Variants in SGCZ observed in about 807,000 individuals in gnomAD.
SGCZ encodes the protein sarcoglycan zeta, also known as zeta-sarcoglycan.
Under a neutral mutation model 41.3 loss-of-function variants are expected in SGCZ, and 40 were observed. That is an observed-to-expected ratio of 0.97 (90% CI 0.75 to 1.26). SGCZ has a LOEUF of 1.26. Among genes scored for constraint, SGCZ ranks in the 50% most tolerant of loss-of-function variants. SGCZ has a pLI of 0.00. For missense variants in SGCZ, 552 were observed against 369.8 expected, an observed-to-expected ratio of 1.49 and a Z score of -4.04; for synonymous variants, 206 against 137.5, an observed-to-expected ratio of 1.50 and a Z score of -3.49.
chr8:15,058,020 G>A (rs1434788970), intron 1 of SGCZ, among the ~76,000 whole-genome samples: 1 of 152,092 alleles, frequency 6.6e-6, no homozygotes, highest in African/African-American at 2.4e-5. Context: ...CAGATTCAAG[G>A]AGTCATTAAA....
At chr8:14,670,597 T>C (rs1437850910) in intron 1 of SGCZ, among the ~76,000 whole-genome samples, 2 of 152,182 alleles carry the variant, frequency 1.3e-5, no homozygotes, top group African/African-American at 4.8e-5. Context: ...CAAAATGTTC[T>C]TACACCTGAG....
chr8:14,792,177 G>T (rs1167197269), intron 1 of SGCZ, among the ~76,000 whole-genome samples: 1 of 152,120 alleles, frequency 6.6e-6, no homozygotes, highest in East Asian at 1.9e-4. Context: ...ATAGTTTAGT[G>T]CTACATTACC....
chr8:15,017,831 T>C (rs1281240969), intron 1 of SGCZ, among the ~76,000 whole-genome samples: 2 of 152,142 alleles, frequency 1.3e-5, no homozygotes, highest in Non-Finnish European at 2.9e-5. Flanking sequence ...GTTTATTTAG[T>C]TGGGCTCCAC....
intron 1 of SGCZ, among the ~76,000 whole-genome samples, chr8:15,034,508 G>A (rs887538481): frequency 3.3e-5 from 5 of 151,916 alleles, no homozygotes; most frequent in African/African-American, 1.2e-4. Flanking sequence ...GGAGTTTAAG[G>A]AGAAGAGAGA....
At chr8:14,819,186 G>A (rs1183962489) in intron 1 of SGCZ, among the ~76,000 whole-genome samples, 1 of 151,968 alleles carries the variant, frequency 6.6e-6, no homozygotes, top group Non-Finnish European at 1.5e-5. Context: ...AGAGAATAGT[G>A]TCAAGTCACA....
At chr8:14,631,008 C>T (rs1332040976) in intron 1 of SGCZ, among the ~76,000 whole-genome samples, 1 of 151,726 alleles carries the variant, frequency 6.6e-6, no homozygotes, top group Non-Finnish European at 1.5e-5. Flanking sequence ...TAGCCTAGAA[C>T]TTAAAGTATA....
At chr8:14,964,657 T>C (rs187783727) in intron 1 of SGCZ, among the ~76,000 whole-genome samples, 35 of 152,224 alleles carry the variant, frequency 2.3e-4, no homozygotes, top group East Asian at 7.7e-4. Flanking sequence ...AAACAAGCGT[T>C]ATGGTTCTTT....
chr8:14,406,739 G>A (rs1799220836), intron 2 of SGCZ, among the ~76,000 whole-genome samples: 1 of 152,106 alleles, frequency 6.6e-6, no homozygotes, highest in Non-Finnish European at 1.5e-5. Context: ...TGACAAACAG[G>A]AAGTTACCAC....
intron 1 of SGCZ, among the ~76,000 whole-genome samples, chr8:15,220,841 G>A (rs1008764453): frequency 1.4e-4 from 21 of 152,114 alleles, no homozygotes; most frequent in South Asian, 4.2e-4. Context: ...CCATAAAAAA[G>A]GATGAGTTCA....
intron 1 of SGCZ, among the ~76,000 whole-genome samples, chr8:14,704,596 T>G (rs1809269005): frequency 6.6e-6 from 1 of 151,982 alleles, no homozygotes; most frequent in Non-Finnish European, 1.5e-5. Context: ...TAGCTGTGAC[T>G]GTGGGCAGTT....
chr8:14,106,450 A>G (rs1309796314), intron 6 of SGCZ, among the ~76,000 whole-genome samples: 1 of 149,370 alleles, frequency 6.7e-6, no homozygotes, highest in Admixed American at 6.8e-5. Flanking sequence ...GTCCTTGAAG[A>G]AGGCCACTTT....
chr8:14,762,201 G>T (rs977386828), intron 1 of SGCZ, among the ~76,000 whole-genome samples: 3 of 152,060 alleles, frequency 2.0e-5, no homozygotes, highest in Non-Finnish European at 4.4e-5. Context: ...AAATAGCTGG[G>T]ATTAAATCCT....
At chr8:14,574,886 C>T (rs558164827) in intron 1 of SGCZ, among the ~76,000 whole-genome samples, 1 of 151,932 alleles carries the variant, frequency 6.6e-6, no homozygotes, top group African/African-American at 2.4e-5. Context: ...CTGAGCAACA[C>T]TGAAAAAATA....
At chr8:14,183,727 G>T (rs1371157208) in intron 4 of SGCZ, among the ~76,000 whole-genome samples, 2 of 152,110 alleles carry the variant, frequency 1.3e-5, no homozygotes, top group Non-Finnish European at 2.9e-5. Flanking sequence ...TGATAATAAT[G>T]AAATATTGAA....
intron 1 of SGCZ, among the ~76,000 whole-genome samples, chr8:14,590,983 A>G (rs1805223005): frequency 6.6e-6 from 1 of 151,052 alleles, no homozygotes; most frequent in South Asian, 2.1e-4. Context: ...ATTTTTCTTT[A>G]TGTAACACTT....
At chr8:14,666,492 A>G (rs748182716) in intron 1 of SGCZ, among the ~76,000 whole-genome samples, 36 of 152,332 alleles carry the variant, frequency 2.4e-4, no homozygotes, top group Non-Finnish European at 4.3e-4. Flanking sequence ...AACAAACAGC[A>G]GGTTGAAGCC....
intron 1 of SGCZ, among the ~76,000 whole-genome samples, chr8:15,182,874 G>A (rs749616315): frequency 1.7e-4 from 26 of 152,008 alleles, no homozygotes; most frequent in African/African-American, 6.3e-4. Flanking sequence ...CACATTGTAC[G>A]GCTATACAAA....
At chr8:14,292,132 A>G (rs924797768) in intron 3 of SGCZ, among the ~76,000 whole-genome samples, 2 of 152,132 alleles carry the variant, frequency 1.3e-5, no homozygotes, top group African/African-American at 4.8e-5. Flanking sequence ...TCATTAATTA[A>G]TCAATGTAAT....
chr8:14,581,402 C>A (rs1804883578), intron 1 of SGCZ, among the ~76,000 whole-genome samples: 1 of 152,220 alleles, frequency 6.6e-6, no homozygotes, highest in East Asian at 1.9e-4. Context: ...CCATGAGCCA[C>A]TGCGCCCGGC....
Sources: allele counts gnomAD v4.1 joint callset (sites outside exome capture counted in the v4.1 genomes callset), GRCh38; gene constraint gnomAD v4.1.1; transcripts MANE v1.5; gene names NCBI Gene and HGNC (gene_info 2026-07-23, HGNC 2026-07-21).